ULK4: variants seen among roughly 807,000 people sequenced by gnomAD.
ULK4 encodes the protein inactive serine/threonine-protein kinase ULK4.
In ULK4, 133 loss-of-function variants were observed where a neutral mutation model predicts 160.6. The ratio of observed to expected loss-of-function variants is 0.83; its 90% CI spans 0.72 to 0.96. The LOEUF (loss-of-function observed/expected upper bound fraction) is 0.96, where lower values mean the gene tolerates loss of function less well. Ranked by LOEUF, ULK4 falls within the 40% of genes least tolerant of loss-of-function variation. The pLI is 0.00. For missense variants in ULK4, 1,580 were observed against 1,499.5 expected (o/e 1.05, Z -0.89); for synonymous variants, 534 against 539.8 (o/e 0.99, Z 0.15).
chr3:41,262,055 G>A (rs1483111836), intron 35 of ULK4, among the ~76,000 whole-genome samples: 1 of 152,180 alleles, frequency 6.6e-6, no homozygotes, highest in Admixed American at 6.5e-5. Context: ...CCCAGATTGG[G>A]CAGCTCTCTC....
intron 30 of ULK4, among the ~76,000 whole-genome samples, chr3:41,621,956 T>C (rs561269690): frequency 2.0e-5 from 3 of 152,136 alleles, no homozygotes; most frequent in Non-Finnish European, 4.4e-5. Context: ...GCGAAGGGTA[T>C]GAACAGACAC....
intron 35 of ULK4, among the ~76,000 whole-genome samples, chr3:41,369,917 CTATTTTGCCACCCACTCATAGAGTGCAA>C (rs1469243774): frequency 1.3e-5 from 2 of 151,670 alleles, no homozygotes; most frequent in Admixed American, 1.3e-4. Context: ...AAAAAAAAAT[CTATTTTGCCACCCACTCATAGAGTGCAA>C]CCTTTAGAAA....
chr3:41,664,763 T>C (rs1260117799), intron 29 of ULK4, among the ~76,000 whole-genome samples: 2 of 152,208 alleles, frequency 1.3e-5, no homozygotes, highest in African/African-American at 4.8e-5. Context: ...TGGATAGCAG[T>C]ATCAGGCCTG....
At chr3:41,499,816 T>C (rs572514205) in intron 32 of ULK4, among the ~76,000 whole-genome samples, 2 of 152,294 alleles carry the variant, frequency 1.3e-5, no homozygotes, top group Middle Eastern at 3.4e-3. Context: ...ATATGAGAGT[T>C]TTGATTAGTG....
intron 30 of ULK4, among the ~76,000 whole-genome samples, chr3:41,636,191 G>T (rs1376450128): frequency 6.6e-6 from 1 of 152,200 alleles, no homozygotes; most frequent in African/African-American, 2.4e-5. Flanking sequence ...AAATAAGGTT[G>T]TGCCTGTGAA....
chr3:41,551,261 C>G (rs1252069536), intron 32 of ULK4, among the ~76,000 whole-genome samples: 2 of 150,828 alleles, frequency 1.3e-5, no homozygotes, highest in African/African-American at 4.9e-5. Flanking sequence ...AAATTAGTAG[C>G]AGGAAATAAT....
At chr3:41,416,098 C>T (rs2082520713) in intron 34 of ULK4, among the ~76,000 whole-genome samples, 1 of 152,154 alleles carries the variant, frequency 6.6e-6, no homozygotes, top group Non-Finnish European at 1.5e-5. Context: ...CACGCTGATA[C>T]AGCAGTAACA....
At chr3:41,295,012 A>G (rs993281077) in intron 35 of ULK4, among the ~76,000 whole-genome samples, 1 of 152,250 alleles carries the variant, frequency 6.6e-6, no homozygotes, top group Non-Finnish European at 1.5e-5. Context: ...GAAGAAGAAC[A>G]AAGTTGGAGG....
At chr3:41,733,305 C>A (rs973921218) in intron 22 of ULK4, among the ~76,000 whole-genome samples, 1 of 151,950 alleles carries the variant, frequency 6.6e-6, no homozygotes, top group Non-Finnish European at 1.5e-5. Flanking sequence ...GACTGCATCA[C>A]ACACAAGCAG....
intron 2 of ULK4, among the ~76,000 whole-genome samples, chr3:41,945,265 G>A (rs2148834742): frequency 6.6e-6 from 1 of 152,274 alleles, no homozygotes; most frequent in Middle Eastern, 3.4e-3. Flanking sequence ...GCAAATGGAT[G>A]GATGCCTTGG....
chr3:41,876,456 T>C (rs981824067), intron 17 of ULK4, among the ~76,000 whole-genome samples: 3 of 152,196 alleles, frequency 2.0e-5, no homozygotes, highest in Non-Finnish European at 4.4e-5. Context: ...CTGAACATTC[T>C]TTCATTAGTC....
chr3:41,476,827 A>G (rs1399049835), intron 32 of ULK4, among the ~76,000 whole-genome samples: 3 of 152,120 alleles, frequency 2.0e-5, no homozygotes, highest in Admixed American at 6.5e-5. Flanking sequence ...GCTTTCTTAC[A>G]TGAAAATATT....
intron 23 of ULK4, among the ~76,000 whole-genome samples, chr3:41,717,199 C>A (rs930502340): frequency 6.6e-6 from 1 of 151,906 alleles, no homozygotes; most frequent in Non-Finnish European, 1.5e-5. Flanking sequence ...CCCTAAATAC[C>A]CTGGCTTGAT....
At chr3:41,387,497 A>G (rs2081845092) in intron 35 of ULK4, among the ~76,000 whole-genome samples, 1 of 152,086 alleles carries the variant, frequency 6.6e-6, no homozygotes, top group South Asian at 2.1e-4. Flanking sequence ...AACATTAGGT[A>G]TATCTCCTAA....
chr3:41,878,945 G>C (rs1184558373), intron 17 of ULK4, among the ~76,000 whole-genome samples: 1 of 151,952 alleles, frequency 6.6e-6, no homozygotes, highest in African/African-American at 2.4e-5. Context: ...CCACATCTAA[G>C]CAGCCATGCG....
chr3:41,516,554 A>G (rs2085754925), intron 32 of ULK4, among the ~76,000 whole-genome samples: 1 of 152,146 alleles, frequency 6.6e-6, no homozygotes, highest in African/African-American at 2.4e-5. Context: ...ACTGAAGGTC[A>G]TTGGGTTAAG....
intron 35 of ULK4, among the ~76,000 whole-genome samples, chr3:41,305,565 C>T (rs567501514): frequency 2.0e-5 from 3 of 152,196 alleles, no homozygotes; most frequent in Non-Finnish European, 4.4e-5. Context: ...GATCTCGGCT[C>T]GCTACAACGT....
At chr3:41,291,815 T>C (rs2079571190) in intron 35 of ULK4, among the ~76,000 whole-genome samples, 2 of 150,390 alleles carry the variant, frequency 1.3e-5, no homozygotes, top group African/African-American at 4.9e-5. Context: ...CATCACGTGG[T>C]CACTTGTGAT....
At chr3:41,331,748 T>TA (rs2080446987) in intron 35 of ULK4, among the ~76,000 whole-genome samples, 1 of 152,212 alleles carries the variant, frequency 6.6e-6, no homozygotes, top group Non-Finnish European at 1.5e-5. Flanking sequence ...TCTTAGCACT[T>TA]AGTTTCATCC....
Sources: gnomAD v4.1 joint callset for allele counts (sites outside exome capture counted in the v4.1 genomes callset) on GRCh38, gnomAD v4.1.1 for gene constraint, MANE v1.5 for transcripts, NCBI Gene and HGNC (gene_info 2026-07-23, HGNC 2026-07-21) for gene names.